The following ADGRL3 variants were observed in gnomAD, a reference collection of about 807,000 sequenced individuals.
ADGRL3 encodes adhesion G protein-coupled receptor L3, also known as calcium-independent alpha-latrotoxin receptor 3.
ADGRL3 carries 62 observed loss-of-function variants against 153.5 expected under a neutral mutation model. That is an observed-to-expected ratio of 0.40 (90% CI 0.33 to 0.50). The LOEUF (loss-of-function observed/expected upper bound fraction) is 0.50, where lower values mean the gene tolerates loss of function less well. ADGRL3 is among the 20% of genes least tolerant of loss of function. ADGRL3 has a pLI of 0.47. For missense variants in ADGRL3, 1,641 were observed against 1,859.4 expected (o/e 0.88, Z 2.16); for synonymous variants, 710 against 672.5 (o/e 1.06, Z -0.86).
chr4:62,005,961 T>TATACATAC (rs2099156044), intron 21 of ADGRL3, among the ~76,000 whole-genome samples: 1 of 82,706 alleles, frequency 1.2e-5, no homozygotes, highest in Admixed American at 1.5e-4. Flanking sequence ...TACATATATA[T>TATACATAC]ACACATACAC....
chr4:61,971,745 A>G (rs1401733520), intron 17 of ADGRL3, among the ~76,000 whole-genome samples: 1 of 152,152 alleles, frequency 6.6e-6, no homozygotes, highest in Admixed American at 6.5e-5. Flanking sequence ...TGACTTCCAC[A>G]ATGGTTGAAC....
intron 4 of ADGRL3, among the ~76,000 whole-genome samples, chr4:61,549,062 T>G (rs2098728124): frequency 1.3e-5 from 2 of 152,042 alleles, no homozygotes; most frequent in South Asian, 2.1e-4. Flanking sequence ...CCTTCCTAAT[T>G]AGCTGTATTT....
intron 17 of ADGRL3, among the ~76,000 whole-genome samples, chr4:61,952,044 G>A (rs1313008495): frequency 1.3e-5 from 2 of 152,136 alleles, no homozygotes; most frequent in African/African-American, 2.4e-5. Context: ...GGTTATAGAG[G>A]TCGATAGAAA....
At chr4:62,040,408 T>C (rs1727591785) in intron 24 of ADGRL3, among the ~76,000 whole-genome samples, 4 of 152,152 alleles carry the variant, frequency 2.6e-5, no homozygotes, top group Middle Eastern at 3.4e-3. Context: ...GCCAAGCCTA[T>C]GTAAGGTTAT....
intron 1 of ADGRL3, among the ~76,000 whole-genome samples, chr4:61,301,416 C>G (rs949657196): frequency 6.6e-6 from 1 of 152,152 alleles, no homozygotes; most frequent in South Asian, 2.1e-4. Flanking sequence ...AAAGCTTTTT[C>G]ACAGGATCAT....
At chr4:61,768,734 T>TG (rs147003822) in intron 8 of ADGRL3, among the ~76,000 whole-genome samples, 82,201 of 151,138 alleles carry the variant, frequency 0.54, 22,866 homozygotes, top group East Asian at 0.68. Flanking sequence ...GAAAGAGGAA[T>TG]GGAAGGTGGA....
chr4:61,235,035 G>A (rs1752293262), intron 1 of ADGRL3, among the ~76,000 whole-genome samples: 2 of 152,152 alleles, frequency 1.3e-5, no homozygotes, highest in South Asian at 4.1e-4. Context: ...GGTCCCAGAA[G>A]AGATGGAAAT....
intron 1 of ADGRL3, among the ~76,000 whole-genome samples, chr4:61,237,149 G>C (rs1753160734): frequency 6.6e-6 from 1 of 152,076 alleles, no homozygotes; most frequent in Non-Finnish European, 1.5e-5. Flanking sequence ...TGCATGAGTA[G>C]TTAGCAATGA....
Position 61,869,936 on chromosome 4 carries a change from T to TAAAAAAAA in ADGRL3, c.1481-22702_1481-22695dup, listed in dbSNP as rs1190618911. Among the ~76,000 whole-genome samples, 58 of 10,504 alleles carry TAAAAAAAA rather than the reference T, an allele frequency of 5.5e-3. 9 individuals are homozygous for TAAAAAAAA. The highest frequency in any genetic ancestry group is 0.071 in the Middle Eastern group (1 of 14). The allele number at this position is 10,504 out of a possible 152,430, so 6.9% of individuals were successfully genotyped here. On this transcript the variant is annotated intron_variant, in intron 9 of 26. Coordinates refer to ENST00000683033, the MANE Select transcript of ADGRL3 (RefSeq NM_001387552.1). ...CTGGGCAACAAGAGCAAAACTTTGT[T>TAAAAAAAA]AAAAAAAAAAAAAAAAAAAAAAAAA...
intron 6 of ADGRL3, among the ~76,000 whole-genome samples, chr4:61,711,456 C>A (rs2151472588): frequency 5.6e-5 from 1 of 17,942 alleles, no homozygotes; most frequent in Non-Finnish European, 9.6e-5. Context: ...ACATATGCTT[C>A]ATTATATATA....
intron 6 of ADGRL3, among the ~76,000 whole-genome samples, chr4:61,699,786 G>A (rs1467543632): frequency 1.3e-5 from 2 of 152,236 alleles, no homozygotes; most frequent in East Asian, 3.9e-4. Flanking sequence ...AATAGATAAT[G>A]TTAAATGTAT....
At chr4:61,272,445 A>G (rs760229096) in intron 1 of ADGRL3, among the ~76,000 whole-genome samples, 1 of 152,154 alleles carries the variant, frequency 6.6e-6, no homozygotes, top group Non-Finnish European at 1.5e-5. Context: ...ATATAAATCT[A>G]ATGTCTATAT....
At chr4:61,991,901 A>C (rs1255425836) in intron 19 of ADGRL3, among the ~76,000 whole-genome samples, 1 of 147,974 alleles carries the variant, frequency 6.8e-6, no homozygotes, top group East Asian at 1.9e-4. Flanking sequence ...TTTATAAAAT[A>C]CATTTATATA....
Position 61,258,526 on chromosome 4 carries a change from G to A in ADGRL3, c.-240+56761G>A, listed in dbSNP as rs973123574. Among the ~76,000 whole-genome samples, 10 of 152,246 alleles carry A rather than the reference G, an allele frequency of 6.6e-5. No homozygotes were observed. In the South Asian group the frequency reaches 1.2e-3, roughly 19 times the overall value. ...GGCACTGCAAATAGCATCTGCCTCCGGATTGTTGTGAGAACTAAATGACAT... is the reference window on the plus strand; with the variant it reads ...GGCACTGCAAATAGCATCTGCCTCCAGATTGTTGTGAGAACTAAATGACAT... On this transcript the variant is annotated intron_variant, in intron 1 of 26. Coordinates refer to ENST00000683033, the MANE Select transcript of ADGRL3 (RefSeq NM_001387552.1).
chr4:62,059,155 T>G (rs1310036641), intron 25 of ADGRL3, among the ~76,000 whole-genome samples: 2 of 152,124 alleles, frequency 1.3e-5, no homozygotes, highest in Non-Finnish European at 2.9e-5. Flanking sequence ...CGATAGGAAG[T>G]ATGTCCTCTT....
chr4:61,400,959 T>C (rs1446151856), intron 2 of ADGRL3, among the ~76,000 whole-genome samples: 2 of 151,832 alleles, frequency 1.3e-5, no homozygotes. Context: ...TAAATGATTA[T>C]TTTTATAGCA....
chr4:61,283,503 C>T lies in ADGRL3; in HGVS notation c.-240+81738C>T, dbSNP rs150562572. 2.2e-4 allele frequency among the ~76,000 whole-genome samples: 34 copies of T among 151,956 alleles called. 1 individual carries two copies. Among genetic ancestry groups the T allele is most frequent in the Admixed American group, 8.5e-4 (13 of 15,214 alleles). On this transcript the variant is annotated intron_variant, in intron 1 of 26. Transcript: ENST00000683033. ...ATGCTGATGACATTAGTGAGATTTG[C>T]GCAGCCTGTCTTCTCAGCTCTATTG... is the stretch of plus-strand genomic sequence containing the variant.
intron 1 of ADGRL3, among the ~76,000 whole-genome samples, chr4:61,249,024 C>G (rs1577974744): frequency 6.6e-6 from 1 of 152,246 alleles, no homozygotes; most frequent in East Asian, 1.9e-4. Context: ...GCTTGCTTCT[C>G]CATCTAACCT....
intron 9 of ADGRL3, among the ~76,000 whole-genome samples, chr4:61,821,125 T>C (rs1357046854): frequency 6.9e-6 from 1 of 144,654 alleles, no homozygotes; most frequent in African/African-American, 2.6e-5. Context: ...CATTATAGAA[T>C]CCATTATAGA....
Sources: gnomAD v4.1 joint callset for allele counts (sites outside exome capture counted in the v4.1 genomes callset) on GRCh38, gnomAD v4.1.1 for gene constraint, MANE v1.5 for transcripts, NCBI Gene and HGNC (gene_info 2026-07-23, HGNC 2026-07-21) for gene names.